CCNB1: variants seen among roughly 807,000 people sequenced by gnomAD.
CCNB1 encodes cyclin B1, also known as G2/mitotic-specific cyclin-B1.
In CCNB1, 26 loss-of-function variants were observed where a neutral mutation model predicts 44.4. The ratio of observed to expected loss-of-function variants is 0.59; its 90% CI spans 0.43 to 0.81. CCNB1 has a LOEUF of 0.81. Ranked by LOEUF, CCNB1 falls within the 40% of genes least tolerant of loss-of-function variation. The pLI is 0.00. For missense variants in CCNB1, 477 were observed against 520.9 expected (o/e 0.92, Z 0.82); for synonymous variants, 195 against 181.4 (o/e 1.08, Z -0.60).
intron 7 of CCNB1, among the ~76,000 whole-genome samples, chr5:69,176,540 A>ATT (rs199557367): frequency 0.028 from 4,072 of 145,730 alleles, 108 homozygotes; most frequent in African/African-American, 0.064. Context: ...ATATATATAT[A>ATT]TATTTTTTTT....
chr5:69,174,542 G>C, intron 5 of CCNB1, 133 bp downstream of exon 5: 1 of 617,556 alleles, frequency 1.6e-6, no homozygotes, highest in Non-Finnish European at 2.5e-6. Flanking sequence ...AAGGTTAGGA[G>C]ATCGAGACCA....
At chr5:69,168,133 T>A in intron 2 of CCNB1, 40 bp from the exon 3 acceptor site, 1 of 1,611,450 alleles carries the variant, frequency 6.2e-7, no homozygotes, top group Non-Finnish European at 8.5e-7. Context: ...ACTGTGGCCT[T>A]TGATGCAGAA....
rs748144874 is a variant in CCNB1, at chr5:69,170,168, A to G, written c.364-1102A>G. Among the ~76,000 whole-genome samples the G allele has an allele frequency of 2.0e-5, 3 of 150,622 alleles. No homozygotes were observed. In the South Asian group the frequency reaches 6.3e-4, roughly 32 times the overall value. ...TTTTTTATTTTTTTATTTTTAGTAG[A>G]GATGGAGTTTCACGATGTTGGCCAG... On this transcript the variant is annotated intron_variant, in intron 3 of 8. Transcript: ENST00000256442.
chr5:69,175,083 C>T lies in CCNB1; in HGVS notation c.912C>T (p.His304=). ...GTCTGGGTCGGCCTCTACCTTTGCA[C>T]TTCCTTCGGAGAGCATCTAAGATTG... ...NFGLGRPLPL[H]FLRRASKIGE... The change falls in exon 6 of 9, where the codon CAC becomes CAT. Residue 304 remains histidine, a synonymous_variant. Coordinates refer to ENST00000256442, the MANE Select transcript of CCNB1 (RefSeq NM_031966.4). 6.2e-7 allele frequency: 1 copy of T among 1,613,758 alleles called. No homozygotes were observed. The highest frequency in any genetic ancestry group is 8.5e-7 in the Non-Finnish European group (1 of 1,179,720).
intron 3 of CCNB1, among the ~76,000 whole-genome samples, chr5:69,169,779 G>A (rs164389): frequency 1.3e-5 from 2 of 151,830 alleles, no homozygotes; most frequent in South Asian, 4.2e-4. Context: ...AGCCTCCCAA[G>A]TAGCTGGGGC....
chr5:69,167,318 T>G, intron 1 of CCNB1, 35 bp downstream of exon 1: 1 of 1,602,088 alleles, frequency 6.2e-7, no homozygotes, highest in African/African-American at 1.3e-5. Flanking sequence ...AACGCGGCCT[T>G]CTTAGCTGCT....
intron 1 of CCNB1, chr5:69,167,552 T>C: frequency 1.9e-6 from 1 of 531,274 alleles, no homozygotes. Flanking sequence ...ACTGGGAACC[T>C]TTTGAAAAAG....
rs967961378 is a variant in CCNB1 at position 69,167,211 on chromosome 5, C to T, written c.-52C>T. The T allele has an allele frequency of 1.3e-6, 2 of 1,507,498 alleles. No individual in the cohort carries two copies. Among genetic ancestry groups the T allele is most frequent in the Non-Finnish European group, 8.9e-7 (1 of 1,123,414 alleles). 93.4% of individuals were successfully genotyped at this position (1,507,498 alleles called of 1,614,324 possible). A position where few individuals can be genotyped will look rare whatever the true frequency, so the allele number is the denominator to read the frequency against. On this transcript the variant is annotated 5_prime_UTR_variant, in exon 1 of 9. Coordinates refer to ENST00000256442, the MANE Select transcript of CCNB1 (RefSeq NM_031966.4). ...GGTGTAGGTCCTTGGCTGGTCGGGC[C>T]TCCGGTGTTCTGCTTCTCCCCGCTG...
In CCNB1 at chr5:69,167,213, C is replaced by G. The variant is rs369287351; in HGVS notation, c.-50C>G. 3.8e-5 allele frequency: 57 copies of G among 1,513,814 alleles called. No individual in the cohort carries two copies. Among genetic ancestry groups the G allele is most frequent in the Non-Finnish European group, 5.0e-5 (56 of 1,127,448 alleles). 93.8% of individuals were successfully genotyped at this position (1,513,814 alleles called of 1,614,324 possible). On this transcript the variant is annotated 5_prime_UTR_variant, in exon 1 of 9. Transcript: ENST00000256442. ...TGTAGGTCCTTGGCTGGTCGGGCCT[C>G]CGGTGTTCTGCTTCTCCCCGCTGAG... is the stretch of plus-strand genomic sequence containing the variant.
At chr5:69,171,541 C>A in intron 4 of CCNB1, 89 bp downstream of exon 4, 1 of 920,708 alleles carries the variant, frequency 1.1e-6, no homozygotes, top group Non-Finnish European at 1.6e-6. Flanking sequence ...ACAAGCAGGA[C>A]GTGGGCAGCA....
rs532762503 is a variant in CCNB1 at position 69,177,543 on chromosome 5, C to A, written c.1214C>A (p.Ala405Asp). 1.3e-4 allele frequency: 212 copies of A among 1,611,306 alleles called. 2 individuals are homozygous for A. The South Asian group carries it at 2.2e-3, about 16-fold the overall frequency. The change falls in exon 9 of 9, where the codon GCC becomes GAC. Residue 405 changes from alanine to aspartate, a missense_variant. Physicochemically the swap from Ala to Asp is moderately radical, Grantham distance 126 (BLOSUM62 -2). Transcript: ENST00000256442. ...TKHMTVKNKY[A>D]TSKHAKISTL... is the part of the protein sequence containing the mutation. ...TTCCAGACTGTCAAGAACAAGTATG[C>A]CACATCGAAGCATGCTAAGATCAGC...
chr5:69,168,075 G>A lies in CCNB1; in HGVS notation c.189G>A (p.Lys63=), dbSNP rs1043201171. ...AACTGCAGGCCAAAATGCCTATGAAGAAGGTAACTCTCTTCCTGACCTAAC... is the reference window on the plus strand; with the variant it reads ...AACTGCAGGCCAAAATGCCTATGAAAAAGGTAACTCTCTTCCTGACCTAAC... ...SEQLQAKMPM[K]KEAKPSATGK... Residue 63 remains lysine (K), a synonymous_variant, in exon 2 of 9, where the codon AAG becomes AAA. Coordinates refer to ENST00000256442, the MANE Select transcript of CCNB1 (RefSeq NM_031966.4). The A allele has an allele frequency of 3.1e-6, 5 of 1,613,338 alleles. No homozygotes were observed. In the Admixed American group the frequency reaches 6.7e-5, roughly 22 times the overall value.
intron 5 of CCNB1, 68 bp downstream of exon 5, chr5:69,174,477 G>A (rs1747535555): frequency 1.4e-6 from 2 of 1,472,452 alleles, no homozygotes; most frequent in Admixed American, 1.8e-5. Flanking sequence ...GATGTTTTCA[G>A]GCCAGTCTGG....
In CCNB1 at chr5:69,175,023, G is replaced by C; in HGVS notation, c.852G>C (p.Gln284His). The C allele has an allele frequency of 6.2e-7, 1 of 1,614,206 alleles. No individual in the cohort carries two copies. Among genetic ancestry groups the C allele is most frequent in the Non-Finnish European group, 8.5e-7 (1 of 1,180,028 alleles). ...DNTYTKHQIR[Q>H]MEMKILRALN... ...CTTATACTAAGCACCAAATCAGACA[G>C]ATGGAAATGAAGATTCTAAGAGCTT... Residue 284 changes from glutamine (Q) to histidine (H), a missense_variant, in exon 6 of 9, where the codon CAG becomes CAC. Coordinates refer to ENST00000256442, the MANE Select transcript of CCNB1 (RefSeq NM_031966.4).
In CCNB1 at chr5:69,175,002, T is replaced by C. The variant is rs141625969; in HGVS notation, c.831T>C (p.Tyr277=). The C allele has an allele frequency of 1.3e-4, 209 of 1,614,036 alleles. No homozygotes were observed. Among genetic ancestry groups the C allele is most frequent in the Non-Finnish European group, 1.6e-4 (184 of 1,180,018 alleles). ...GDFAFVTDNT[Y]TKHQIRQMEM... ...TTGCTTTTGTGACTGACAACACTTA[T>C]ACTAAGCACCAAATCAGACAGATGG... The change falls in exon 6 of 9, where the codon TAT becomes TAC. Residue 277 remains tyrosine, a synonymous_variant. Transcript: ENST00000256442.
At chr5:69,171,512 A>G in intron 4 of CCNB1, 60 bp downstream of exon 4, 1 of 1,247,442 alleles carries the variant, frequency 8.0e-7, no homozygotes, top group Non-Finnish European at 1.1e-6. Context: ...AGTATTTTCC[A>G]TCAATAGTTT....
rs988052627 is a variant in CCNB1, at chr5:69,174,909, G to C, written c.738G>C (p.Leu246=). The C allele has an allele frequency of 6.2e-7, 1 of 1,613,996 alleles. No homozygotes were observed. The highest frequency in any genetic ancestry group is 1.3e-5 in the African/African-American group (1 of 74,918). The change falls in exon 6 of 9, where the codon CTG becomes CTC. Residue 246 remains leucine, a synonymous_variant. Transcript: ENST00000256442. The part of the protein sequence containing the change: ...NNCVPKKMLQ[L]VGVTAMFIAS... ...GTGTGCCCAAGAAGATGCTGCAGCT[G>C]GTTGGTGTCACTGCCATGTTTATTG...
At chr5:69,174,724 A>G (rs575019136) in intron 5 of CCNB1, among the ~76,000 whole-genome samples, 153 bp from the exon 6 acceptor site, 2 of 151,696 alleles carry the variant, frequency 1.3e-5, no homozygotes, top group Admixed American at 1.3e-4. Flanking sequence ...AAAAAGAAAG[A>G]AATAAACTGA....
Position 69,174,388 on chromosome 5 carries a change from C to G in CCNB1, c.684C>G (p.Ser228=). ...AGGAGACCATGTACATGACTGTCTC[C>G]ATTATTGATCGGTTCATGCAGGTGA... The part of the protein sequence containing the change: ...LLQETMYMTV[S]IIDRFMQNNC... The change falls in exon 5 of 9, where the codon TCC becomes TCG. Residue 228 remains serine (S), a synonymous_variant. Coordinates refer to ENST00000256442, the MANE Select transcript of CCNB1 (RefSeq NM_031966.4). 1 of 1,613,986 alleles carries G rather than the reference C, an allele frequency of 6.2e-7. No individual in the cohort carries two copies. The highest frequency in any genetic ancestry group is 1.1e-5 in the South Asian group (1 of 91,062).
Sources: allele counts gnomAD v4.1 joint callset (sites outside exome capture counted in the v4.1 genomes callset), GRCh38; gene constraint gnomAD v4.1.1; transcripts MANE v1.5; gene names NCBI Gene and HGNC (gene_info 2026-07-23, HGNC 2026-07-21).